The following SUFU variants were observed in gnomAD, a reference collection of about 807,000 sequenced individuals.
The protein encoded by SUFU is SUFU negative regulator of hedgehog signaling, also known as suppressor of fused homolog.
SUFU carries 7 observed loss-of-function variants against 58.9 expected under a neutral mutation model. The ratio of observed to expected loss-of-function variants is 0.12; its 90% CI spans 0.07 to 0.22. The LOEUF (loss-of-function observed/expected upper bound fraction) is 0.22, where lower values mean the gene tolerates loss of function less well. Ranked by LOEUF, SUFU falls within the 10% of genes least tolerant of loss-of-function variation. The probability of loss-of-function intolerance (pLI) is 1.00; values close to 1 mark genes in which losing one functional copy is unlikely to be tolerated. For missense variants in SUFU, 451 were observed against 641.3 expected, an observed-to-expected ratio of 0.70 and a Z score of 3.20; for synonymous variants, 232 against 254.8, an observed-to-expected ratio of 0.91 and a Z score of 0.85.
At position 102,617,933 on chromosome 10, in the gene SUFU, C is replaced by T. The variant is rs191168684; in HGVS notation, c.1296+505C>T. On this transcript the variant is annotated intron_variant, in intron 10 of 11. Coordinates refer to ENST00000369902, the MANE Select transcript of SUFU (RefSeq NM_016169.4). This position sits in a 1 kb window ranked among gnomAD's most constrained non-coding sequence, Gnocchi z 4.4. ...GCCTACCCCCATCTGACAGCCCTCC[C>T]GTTCCTCCTGAGTTTGTGTGACCAG... The T allele has an allele frequency of 1.8e-5, 4 of 216,666 alleles. No individual in the cohort carries two copies. The highest frequency in any genetic ancestry group is 1.0e-4 in the East Asian group (1 of 9,842). The allele number at this position is 216,666 out of a possible 1,614,324, so 13.4% of individuals were successfully genotyped here. A position where few individuals can be genotyped will look rare whatever the true frequency, so the allele number is the denominator to read the frequency against.
Position 102,566,566 on chromosome 10 carries a change from C to T in SUFU, c.454+16460C>T, listed in dbSNP as rs191654846. On this transcript the variant is annotated intron_variant, in intron 3 of 11. Transcript: ENST00000369902. Reference sequence around the variant, plus strand: ...GCTCACAGGGTCAGGAGTTCTAGACCAGCCTGGCCAACATAGTGAAACCCC... The same window carrying T: ...GCTCACAGGGTCAGGAGTTCTAGACTAGCCTGGCCAACATAGTGAAACCCC... Among the ~76,000 whole-genome samples, 29 of 152,120 alleles carry T rather than the reference C, an allele frequency of 1.9e-4. No homozygotes were observed. In the East Asian group the frequency reaches 3.3e-3, roughly 17 times the overall value.
upstream of SUFU, among the ~76,000 whole-genome samples, chr10:102,503,590 C>G (rs1252549711): frequency 6.6e-6 from 1 of 152,158 alleles, no homozygotes; most frequent in Non-Finnish European, 1.5e-5. Flanking sequence ...CCCTAGAAAA[C>G]ATTAGATTTA....
At chr10:102,592,037 T>G (rs1048421136) in intron 3 of SUFU, among the ~76,000 whole-genome samples, 1 of 152,200 alleles carries the variant, frequency 6.6e-6, no homozygotes, top group Non-Finnish European at 1.5e-5. Flanking sequence ...AGCCTAGTGT[T>G]CCTCAGGAAT....
Position 102,599,509 on chromosome 10 carries a change from T to G in SUFU, c.987T>G (p.Pro329=), listed in dbSNP as rs906267027. Reference sequence around the variant, plus strand: ...AACCTGTCCTTCCACCAATCAACCCTCAGCGGCAGAATGGCCTCGCCCACG... The same window carrying G: ...AACCTGTCCTTCCACCAATCAACCCGCAGCGGCAGAATGGCCTCGCCCACG... ...NSKPVLPPIN[P]QRQNGLAHDR... The change falls in exon 8 of 12, where the codon CCT becomes CCG. Residue 329 remains proline, a synonymous_variant. Coordinates refer to ENST00000369902, the MANE Select transcript of SUFU (RefSeq NM_016169.4). The G allele has an allele frequency of 6.2e-7, 1 of 1,614,148 alleles. No homozygotes were observed. The highest frequency in any genetic ancestry group is 8.5e-7 in the Non-Finnish European group (1 of 1,180,022).
chr10:102,538,210 A>T (rs2062762976), intron 2 of SUFU, among the ~76,000 whole-genome samples: 1 of 152,198 alleles, frequency 6.6e-6, no homozygotes, highest in African/African-American at 2.4e-5. Flanking sequence ...CTGCTTTCAG[A>T]ACCATTGTTT....
At chr10:102,541,058 C>A (rs1274953417) in intron 2 of SUFU, among the ~76,000 whole-genome samples, 3 of 151,172 alleles carry the variant, frequency 2.0e-5, no homozygotes, top group African/African-American at 7.3e-5. Context: ...TCTTTTCTTC[C>A]CCCTTTCAGT....
At chr10:102,507,122 G>A (rs1186318373) in intron 1 of SUFU, among the ~76,000 whole-genome samples, 1 of 152,178 alleles carries the variant, frequency 6.6e-6, no homozygotes, top group African/African-American at 2.4e-5. Context: ...AGAATACTCT[G>A]TGCTTGGGGA....
At chr10:102,574,386 G>A (rs543401317) in intron 3 of SUFU, among the ~76,000 whole-genome samples, 13 of 152,274 alleles carry the variant, frequency 8.5e-5, no homozygotes, top group Non-Finnish European at 1.6e-4. Flanking sequence ...CTAGTATATG[G>A]ATATAATAGG....
At chr10:102,575,241 T>C (rs1335930233) in intron 3 of SUFU, among the ~76,000 whole-genome samples, 2 of 152,202 alleles carry the variant, frequency 1.3e-5, no homozygotes, top group Non-Finnish European at 1.5e-5. Flanking sequence ...CTAGCCTGGT[T>C]GAAAATGCCA....
At chr10:102,606,818 G>A (rs1273605080) in intron 8 of SUFU, among the ~76,000 whole-genome samples, 1 of 152,130 alleles carries the variant, frequency 6.6e-6, no homozygotes, top group African/African-American at 2.4e-5. Context: ...CCAAATCTAA[G>A]TGAGGAAGAC....
chr10:102,573,040 C>G, intron 3 of SUFU: 1 of 906,688 alleles, frequency 1.1e-6, no homozygotes, highest in South Asian at 1.3e-5. Flanking sequence ...GGTTGGTCTT[C>G]TGAGGGTACT....
At chr10:102,553,743 G>A (rs777891501) in intron 3 of SUFU, among the ~76,000 whole-genome samples, 7 of 151,790 alleles carry the variant, frequency 4.6e-5, no homozygotes, top group Non-Finnish European at 7.4e-5. Context: ...GATTACAGGC[G>A]TGAGCCACCG....
intron 10 of SUFU, among the ~76,000 whole-genome samples, chr10:102,626,434 G>A (rs886891859): frequency 1.3e-5 from 2 of 152,204 alleles, no homozygotes; most frequent in Admixed American, 6.5e-5. Flanking sequence ...AAAGCGAGAG[G>A]CAATGAGGTG....
At position 102,628,738 on chromosome 10, in the gene SUFU, G is replaced by C. The variant is rs1393547846; in HGVS notation, c.1366-1328G>C. 6.6e-6 allele frequency among the ~76,000 whole-genome samples: 1 copy of C among 152,208 alleles called. No individual in the cohort carries two copies. Among genetic ancestry groups the C allele is most frequent in the Non-Finnish European group, 1.5e-5 (1 of 68,028 alleles). On this transcript the variant is annotated intron_variant, in intron 11 of 11. Transcript: ENST00000369902. The surrounding 1 kb of genome is among the most constrained non-coding windows in gnomAD (Gnocchi z 4.5). ...CAGAGACAGTCCCCCAGCAGAGGGA[G>C]CGAAGAGGGAGGCAGCCAGGAAGGG...
intron 2 of SUFU, among the ~76,000 whole-genome samples, chr10:102,509,970 C>T (rs1260877168): frequency 6.6e-6 from 1 of 152,076 alleles, no homozygotes; most frequent in East Asian, 1.9e-4. Context: ...TCCCGAGTAG[C>T]TGGGACGACA....
chr10:102,609,222 G>T (rs1310491665), intron 8 of SUFU, among the ~76,000 whole-genome samples: 1 of 152,152 alleles, frequency 6.6e-6, no homozygotes, highest in African/African-American at 2.4e-5. Flanking sequence ...TGATGGAAAT[G>T]AAAGGAAGCA....
In SUFU at chr10:102,556,150, T is replaced by C. The variant is rs542991046; in HGVS notation, c.454+6044T>C. Among the ~76,000 whole-genome samples, 9 of 152,156 alleles carry C rather than the reference T, an allele frequency of 5.9e-5. 1 individual carries two copies. The South Asian group carries it at 1.9e-3, about 32-fold the overall frequency. ...TGGGAGGCGAATGAAAGGGGAACGA[T>C]GAGGCTCCGGTGGGTGTGGGGGCGG... On this transcript the variant is annotated intron_variant, in intron 3 of 11. Transcript: ENST00000369902.
chr10:102,621,309 G>A (rs757898461), intron 10 of SUFU, among the ~76,000 whole-genome samples: 14 of 152,148 alleles, frequency 9.2e-5, no homozygotes, highest in Non-Finnish European at 2.1e-4. Context: ...CACCCATTAA[G>A]GTTTAGAGCC....
At position 102,592,616 on chromosome 10, in the gene SUFU, G is replaced by T; in HGVS notation, c.489G>T (p.Trp163Cys). ...NTFCSGDHVS[W>C]HSPLDNSESR... ...TCTGCAGTGGGGACCATGTGTCCTG[G>T]CACAGCCCTTTGGATAACAGTGAGT... Residue 163 changes from tryptophan (W) to cysteine (C), a missense_variant, in exon 4 of 12, where the codon TGG (tryptophan) becomes TGT (cysteine). Coordinates refer to ENST00000369902, the MANE Select transcript of SUFU (RefSeq NM_016169.4). The T allele has an allele frequency of 6.2e-7, 1 of 1,614,082 alleles. No homozygotes were observed. The highest frequency in any genetic ancestry group is 8.5e-7 in the Non-Finnish European group (1 of 1,180,016).
Sources: gnomAD v4.1 joint callset for allele counts (sites outside exome capture counted in the v4.1 genomes callset) on GRCh38, gnomAD v4.1.1 for gene constraint, Gnocchi (gnomAD v3.1) non-coding constraint, MANE v1.5 for transcripts, NCBI Gene and HGNC (gene_info 2026-07-23, HGNC 2026-07-21) for gene names.